RPS6KA3: variants seen among roughly 807,000 people sequenced by gnomAD.
The protein encoded by RPS6KA3 is ribosomal protein S6 kinase alpha-3.
RPS6KA3 carries 4 observed loss-of-function variants against 67.2 expected under a neutral mutation model. The ratio of observed to expected loss-of-function variants is 0.06; its 90% confidence interval spans 0.03 to 0.14. The LOEUF (loss-of-function observed/expected upper bound fraction) is 0.14. Ranked by LOEUF, RPS6KA3 falls within the 10% of genes least tolerant of loss-of-function variation. The probability of loss-of-function intolerance (pLI) is 1.00; values close to 1 mark genes in which losing one functional copy is unlikely to be tolerated. For missense variants in RPS6KA3, 204 were observed against 559.0 expected (o/e 0.36, Z 6.40); for synonymous variants, 182 against 183.7 (o/e 0.99, Z 0.07).
At chrX:20,168,772 T>C (rs2067501938) in intron 16 of RPS6KA3, among the ~76,000 whole-genome samples, 2 of 112,810 alleles carry the variant, frequency 1.8e-5, no homozygotes, top group South Asian at 7.2e-4. Flanking sequence ...CATATCTTTA[T>C]TGATAAATGA....
intron 15 of RPS6KA3, 117 bp downstream of exon 15, chrX:20,172,629 T>A: frequency 1.7e-6 from 1 of 581,552 alleles, no homozygotes; most frequent in East Asian, 3.7e-5. Context: ...TAGCCAGATA[T>A]TTAACTTTTT....
intron 20 of RPS6KA3, among the ~76,000 whole-genome samples, chrX:20,160,384 C>T (rs1362211165): frequency 8.9e-6 from 1 of 111,931 alleles, no homozygotes; most frequent in Non-Finnish European, 1.9e-5. Flanking sequence ...TGGTTTAAGA[C>T]ATTGTTAGAA....
At chrX:20,245,036 G>A (rs952662176) in intron 1 of RPS6KA3, among the ~76,000 whole-genome samples, 16 of 111,997 alleles carry the variant, frequency 1.4e-4, no homozygotes, top group African/African-American at 5.2e-4. Context: ...AAAAACTGGT[G>A]TATCCTTGGA....
At chrX:20,246,796 A>G (rs968102175) in intron 1 of RPS6KA3, among the ~76,000 whole-genome samples, 1 of 112,320 alleles carries the variant, frequency 8.9e-6, no homozygotes, top group Admixed American at 9.4e-5. Context: ...GATAGCATTA[A>G]TAAGTTACAA....
intron 1 of RPS6KA3, 42 bp from the exon 2 acceptor site, chrX:20,234,856 T>A (rs773576821): frequency 9.9e-7 from 1 of 1,009,208 alleles, no homozygotes; most frequent in Non-Finnish European, 1.4e-6. Flanking sequence ...AAAACAGACC[T>A]CACATCAGTT....
At chrX:20,161,205 T>C (rs1231056959) in intron 20 of RPS6KA3, among the ~76,000 whole-genome samples, 1 of 112,305 alleles carries the variant, frequency 8.9e-6, no homozygotes, top group African/African-American at 3.2e-5. Flanking sequence ...TGTGGAATCA[T>C]ATTTAGTTTG....
intron 7 of RPS6KA3, among the ~76,000 whole-genome samples, chrX:20,191,398 G>A (rs905697430): frequency 1.8e-5 from 2 of 111,658 alleles, no homozygotes; most frequent in African/African-American, 6.5e-5. Flanking sequence ...TAATGGGATT[G>A]CTGGGTCAAA....
chrX:20,242,450 T>C (rs1336694982), intron 1 of RPS6KA3, among the ~76,000 whole-genome samples: 1 of 111,785 alleles, frequency 8.9e-6, no homozygotes, highest in Non-Finnish European at 1.9e-5. Flanking sequence ...ATTCCTATTT[T>C]ATAGTTGAGG....
At position 20,213,337 on chromosome X, in the gene RPS6KA3, T is replaced by G. The variant is rs146249701; in HGVS notation, c.127-3933A>C. Among the ~76,000 whole-genome samples, 232 of 112,290 alleles carry G rather than the reference T, an allele frequency of 2.1e-3. 2 individuals carry two copies. Among genetic ancestry groups the G allele is most frequent in the African/African-American group, 7.3e-3 (225 of 30,944 alleles). ...TGATAATTTCTTAATTTATTAACCT[T>G]AAGACAATGTCTACTGACTTAAGAA... On this transcript the variant is annotated intron_variant, in intron 2 of 21. Coordinates refer to ENST00000379565, the MANE Select transcript of RPS6KA3 (RefSeq NM_004586.3).
At chrX:20,259,433 T>C (rs961673755) in intron 1 of RPS6KA3, among the ~76,000 whole-genome samples, 20 of 112,067 alleles carry the variant, frequency 1.8e-4, no homozygotes, top group Non-Finnish European at 3.6e-4. Context: ...TATTTTTAAC[T>C]TTTATTTAAA....
At chrX:20,231,825 G>T (rs1338110067) in intron 2 of RPS6KA3, among the ~76,000 whole-genome samples, 1 of 111,213 alleles carries the variant, frequency 9.0e-6, no homozygotes, top group Non-Finnish European at 1.9e-5. Flanking sequence ...GTGGAATGAT[G>T]TATCTACAAG....
intron 20 of RPS6KA3, among the ~76,000 whole-genome samples, chrX:20,156,505 C>T: frequency 9.0e-6 from 1 of 110,903 alleles, no homozygotes; most frequent in Admixed American, 9.6e-5. Flanking sequence ...CTCTTTTTTC[C>T]TTCAGATTTT....
Position 20,179,527 on chromosome X carries a change from T to A in RPS6KA3, c.846-2443A>T, listed in dbSNP as rs190061620. ...ATTAAAAATAATGACTGCAATTGGCTGAATCACACTGATTATTAAATCCCA... is the reference window on the plus strand; with the variant it reads ...ATTAAAAATAATGACTGCAATTGGCAGAATCACACTGATTATTAAATCCCA... On this transcript the variant is annotated intron_variant, in intron 10 of 21. Transcript: ENST00000379565. Among the ~76,000 whole-genome samples the A allele has an allele frequency of 1.2e-4, 13 of 111,404 alleles. No homozygotes were observed. The Admixed American group carries it at 1.2e-3, about 11-fold the overall frequency.
intron 15 of RPS6KA3, chrX:20,169,727 T>C: frequency 2.5e-6 from 1 of 407,585 alleles, no homozygotes; most frequent in East Asian, 4.2e-5. Context: ...GCCTCTCCAA[T>C]CTAAGTTTGT....
chrX:20,209,456 T>C, intron 2 of RPS6KA3, 52 bp from the exon 3 acceptor site: 1 of 639,307 alleles, frequency 1.6e-6, no homozygotes, highest in Non-Finnish European at 2.6e-6. Context: ...AGCTATTTTC[T>C]CCCGCTAAAA....
At position 20,256,172 on chromosome X, in the gene RPS6KA3, C is replaced by CAAAAAAAAAAAAAAAA. The variant is rs35947983; in HGVS notation, c.69+10376_69+10391dup. Among the ~76,000 whole-genome samples the CAAAAAAAAAAAAAAAA allele has an allele frequency of 6.9e-4, 10 of 14,465 alleles. 1 individual carries two copies. Among genetic ancestry groups the CAAAAAAAAAAAAAAAA allele is most frequent in the African/African-American group, 1.2e-3 (5 of 4,292 alleles). The allele number at this position is 14,465 out of a possible 115,157, so 12.6% of individuals were successfully genotyped here. A position where few individuals can be genotyped will look rare whatever the true frequency, so the allele number is the denominator to read the frequency against. ...TGGGTGACAGAGTGAGACACCGTCT[C>CAAAAAAAAAAAAAAAA]AAAAAAAAAAAAAAAAAAAAAAAAA... On this transcript the variant is annotated intron_variant, in intron 1 of 21. Transcript: ENST00000379565.
intron 14 of RPS6KA3, among the ~76,000 whole-genome samples, chrX:20,174,629 G>A (rs1325687323): frequency 1.8e-5 from 2 of 110,600 alleles, no homozygotes; most frequent in African/African-American, 3.3e-5. Context: ...TTACAAGCAT[G>A]AGCCACCGCA....
intron 1 of RPS6KA3, among the ~76,000 whole-genome samples, chrX:20,251,024 C>A (rs996765036): frequency 4.0e-4 from 45 of 112,218 alleles, no homozygotes; most frequent in Non-Finnish European, 7.5e-4. Flanking sequence ...GCATCCAAGA[C>A]CACTCTGATT....
At chrX:20,194,849 A>G (rs926225062) in intron 5 of RPS6KA3, among the ~76,000 whole-genome samples, 2 of 111,492 alleles carry the variant, frequency 1.8e-5, no homozygotes, top group African/African-American at 3.3e-5. Flanking sequence ...TACCACTCAG[A>G]AACTAACTTT....
Sources: allele counts gnomAD v4.1 joint callset (sites outside exome capture counted in the v4.1 genomes callset), GRCh38; gene constraint gnomAD v4.1.1; transcripts MANE v1.5; gene names NCBI Gene and HGNC (gene_info 2026-07-23, HGNC 2026-07-21).